SPATA2: variants seen among roughly 807,000 people sequenced by gnomAD.
SPATA2 encodes spermatogenesis associated 2, also known as spermatogenesis-associated protein 2.
SPATA2 carries 8 observed loss-of-function variants against 35.4 expected under a neutral mutation model. The ratio of observed to expected loss-of-function variants is 0.23; its 90% CI spans 0.13 to 0.41. The LOEUF (loss-of-function observed/expected upper bound fraction) is 0.41, where lower values mean the gene tolerates loss of function less well. Among genes scored for constraint, SPATA2 ranks in the 10% least tolerant of loss-of-function variants. The pLI is 1.00. For missense variants in SPATA2, 650 were observed against 698.7 expected (o/e 0.93, Z 0.79); for synonymous variants, 293 against 300.9 (o/e 0.97, Z 0.27).
In SPATA2 at chr20:49,906,187, T is replaced by C; in HGVS notation, c.995A>G (p.Gln332Arg). 1.9e-6 allele frequency: 3 copies of C among 1,584,750 alleles called. No individual in the cohort carries two copies. The highest frequency in any genetic ancestry group is 1.2e-5 in the South Asian group (1 of 86,886). ...ALLRGTYFST[Q>R]DDVDLYTDSE... is the part of the protein sequence containing the mutation. ...GTCTGTGTACAGATCCACGTCATCC[T>C]GAGTGGAGAAGTAGGTACCGCGCAG... is the stretch of plus-strand genomic sequence containing the variant. The change falls in exon 3 of 3, where the codon CAG becomes CGG. Residue 332 changes from glutamine to arginine, a missense_variant. Physicochemically the swap from Gln to Arg is conservative, Grantham distance 43 (BLOSUM62 1). Coordinates refer to ENST00000289431, the MANE Select transcript of SPATA2 (RefSeq NM_006038.4). This position sits in a 1 kb window ranked among gnomAD's most constrained non-coding sequence, Gnocchi z 8.2.
rs778563492 is a variant in SPATA2, at chr20:49,906,291, C to A, written c.891G>T (p.Ser297=). 7 of 1,579,538 alleles carry A rather than the reference C, an allele frequency of 4.4e-6. No homozygotes were observed. Among genetic ancestry groups the A allele is most frequent in the Non-Finnish European group, 6.0e-6 (7 of 1,161,630 alleles). The change falls in exon 3 of 3, where the codon TCG becomes TCT. Residue 297 remains serine (S), a synonymous_variant. Coordinates refer to ENST00000289431, the MANE Select transcript of SPATA2 (RefSeq NM_006038.4). The surrounding 1 kb of genome is among the most constrained non-coding windows in gnomAD (Gnocchi z 8.2). ...GGGGGGAGCTGGCCATGGTCAGCAG[C>A]GAAGGGGATGGGCGGATGATCTCAT... The part of the protein sequence containing the change: ...LKDEIIRPSP[S]LLTMASSPHG...
chr20:49,914,981 G>A (rs766930316), intron 1 of SPATA2, among the ~76,000 whole-genome samples: 1 of 152,236 alleles, frequency 6.6e-6, no homozygotes, highest in African/African-American at 2.4e-5. Context: ...AGGCAACTGA[G>A]GCTCTTAAGA....
rs1283656058 is a variant in SPATA2 at position 49,906,811 on chromosome 20, G to A, written c.371C>T (p.Ser124Leu). 10 of 1,612,294 alleles carry A rather than the reference G, an allele frequency of 6.2e-6. No individual in the cohort carries two copies. The highest frequency in any genetic ancestry group is 1.7e-5 in the Admixed American group (1 of 59,946). Residue 124 changes from serine to leucine, a missense_variant, in exon 3 of 3, where the codon TCG becomes TTG. By Grantham distance (145) the Ser-to-Leu change is moderately radical. Transcript: ENST00000289431. This position sits in a 1 kb window ranked among gnomAD's most constrained non-coding sequence, Gnocchi z 8.2. ...YTGPFVYYVK[S>L]TLLEEDIRAI... ...TCGGATGTCCTCTTCCAGTAATGTC[G>A]ACTTGACATAATAAACAAAAGGGCC...
In SPATA2 at chr20:49,903,786, A is replaced by G. The variant is rs1223047082; in HGVS notation, c.*1833T>C. 1 of 151,930 alleles carries G rather than the reference A, an allele frequency of 6.6e-6. No homozygotes were observed. Among genetic ancestry groups the G allele is most frequent in the Non-Finnish European group, 1.5e-5 (1 of 67,990 alleles). 9.4% of individuals were successfully genotyped at this position (151,930 alleles called of 1,614,324 possible). ...TGGGCCAGGCATTGCCGATTCTGAA[A>G]TGTGAAAAGGAAGAACATCAAAGAT... On this transcript the variant is annotated 3_prime_UTR_variant, in exon 3 of 3. Transcript: ENST00000289431.
Position 49,903,934 on chromosome 20 carries a change from TATATATATATATATATA to T in SPATA2, c.*1668_*1684del, listed in dbSNP as rs2090124209. 1 of 58,560 alleles carries T rather than the reference TATATATATATATATATA, an allele frequency of 1.7e-5. No homozygotes were observed. The highest frequency in any genetic ancestry group is 4.8e-5 in the African/African-American group (1 of 20,884). 3.6% of individuals were successfully genotyped at this position (58,560 alleles called of 1,614,324 possible). A position where few individuals can be genotyped will look rare whatever the true frequency, so the allele number is the denominator to read the frequency against. On this transcript the variant is annotated 3_prime_UTR_variant, in exon 3 of 3. Coordinates refer to ENST00000289431, the MANE Select transcript of SPATA2 (RefSeq NM_006038.4). ...ATATATATATATATATATATATATA[TATATATATATATATATA>T]TTAAAAAGAGAGCCATAGAAGATTT...
chr20:49,909,069 C>T (rs1434708552), intron 1 of SPATA2, among the ~76,000 whole-genome samples: 1 of 152,202 alleles, frequency 6.6e-6, no homozygotes, highest in Non-Finnish European at 1.5e-5. Context: ...GTAGCCCAGG[C>T]TGGAGTGCAG....
In SPATA2 at chr20:49,906,832, G is replaced by T. The variant is rs745438803; in HGVS notation, c.350C>A (p.Pro117His). The change falls in exon 3 of 3, where the codon CCT (proline) becomes CAT (histidine). Residue 117 changes from proline (P) to histidine (H), a missense_variant. By Grantham distance (77) the Pro-to-His change is moderately conservative (BLOSUM62 -2). Transcript: ENST00000289431. This position sits in a 1 kb window ranked among gnomAD's most constrained non-coding sequence, Gnocchi z 8.2. ...EFRSIKTYTG[P>H]FVYYVKSTLL... The stretch of plus-strand genomic sequence containing the variant: ...TGTCGACTTGACATAATAAACAAAA[G>T]GGCCCGTGTAGGTCTAGAAGGGAGG... 48 of 1,609,466 alleles carry T rather than the reference G, an allele frequency of 3.0e-5. No individual in the cohort carries two copies. The highest frequency in any genetic ancestry group is 3.4e-5 in the Non-Finnish European group (40 of 1,176,656).
rs2146827011 is a variant in SPATA2, at chr20:49,905,596, G to T, written c.*23C>A. 6.2e-7 allele frequency: 1 copy of T among 1,610,570 alleles called. No homozygotes were observed. Among genetic ancestry groups the T allele is most frequent in the African/African-American group, 1.3e-5 (1 of 74,944 alleles). ...GAAAGGTCGGTTGATGTAGCCCTTG[G>T]AGCTGGAAGGGGCGAGGCCGGTCTA... On this transcript the variant is annotated 3_prime_UTR_variant, in exon 3 of 3. Coordinates refer to ENST00000289431, the MANE Select transcript of SPATA2 (RefSeq NM_006038.4).
chr20:49,910,068 T>C (rs558328397), intron 1 of SPATA2, among the ~76,000 whole-genome samples: 13 of 152,088 alleles, frequency 8.5e-5, no homozygotes, highest in South Asian at 8.3e-4. Context: ...CACTTGTTAG[T>C]AGAACAGGCA....
Position 49,906,454 on chromosome 20 carries a change from T to C in SPATA2, c.728A>G (p.Tyr243Cys), listed in dbSNP as rs1458329114. The C allele has an allele frequency of 6.2e-7, 1 of 1,611,732 alleles. No homozygotes were observed. The highest frequency in any genetic ancestry group is 1.1e-5 in the South Asian group (1 of 91,080). ...CGAGGGCTTGGTCACGCGGGGCTTGTAGTAGTCCTTGGCCGCCCGCTCGCT... is the reference window on the plus strand; with the variant it reads ...CGAGGGCTTGGTCACGCGGGGCTTGCAGTAGTCCTTGGCCGCCCGCTCGCT... The part of the protein sequence containing the change: ...SASERAAKDY[Y>C]KPRVTKPSRS... Residue 243 changes from tyrosine to cysteine, a missense_variant, in exon 3 of 3, where the codon TAC (tyrosine) becomes TGC (cysteine). Transcript: ENST00000289431. The surrounding 1 kb of genome is among the most constrained non-coding windows in gnomAD (Gnocchi z 8.2).
In SPATA2 at chr20:49,908,570, G is replaced by T; in HGVS notation, c.-80C>A. On this transcript the variant is annotated 5_prime_UTR_variant, in exon 2 of 3. Coordinates refer to ENST00000289431, the MANE Select transcript of SPATA2 (RefSeq NM_006038.4). ...ACATCACTAAAAGCATGGACATGTT[G>T]CCGCCTGGACCAGCGGAGTGCTCTG... 8.3e-7 allele frequency: 1 copy of T among 1,206,144 alleles called. No homozygotes were observed. The highest frequency in any genetic ancestry group is 1.2e-6 in the Non-Finnish European group (1 of 854,064). 74.7% of individuals were successfully genotyped at this position (1,206,144 alleles called of 1,614,324 possible). A position where few individuals can be genotyped will look rare whatever the true frequency, so the allele number is the denominator to read the frequency against.
At chr20:49,909,392 T>G (rs1237701523) in intron 1 of SPATA2, among the ~76,000 whole-genome samples, 2 of 151,944 alleles carry the variant, frequency 1.3e-5, no homozygotes, top group East Asian at 3.9e-4. Flanking sequence ...ATGTGCAAAC[T>G]GAGACACAGA....
At position 49,906,104 on chromosome 20, in the gene SPATA2, G is replaced by A. The variant is rs763342098; in HGVS notation, c.1078C>T (p.Leu360Phe). 1.9e-6 allele frequency: 3 copies of A among 1,611,908 alleles called. No individual in the cohort carries two copies. Among genetic ancestry groups the A allele is most frequent in the Admixed American group, 3.3e-5 (2 of 59,984 alleles). ...QDALRPDVWL[L>F]RNDAHSLYHK... ...TAGAGGGAGTGGGCATCGTTTCTGA[G>A]CAGCCACACATCCGGCCGCAGAGCA... Residue 360 changes from leucine (L) to phenylalanine (F), a missense_variant, in exon 3 of 3, where the codon CTC (leucine) becomes TTC (phenylalanine). Coordinates refer to ENST00000289431, the MANE Select transcript of SPATA2 (RefSeq NM_006038.4). The surrounding 1 kb of genome is among the most constrained non-coding windows in gnomAD (Gnocchi z 8.2).
In SPATA2 at chr20:49,903,904, T is replaced by TAG. The variant is rs879570309; in HGVS notation, c.*1714_*1715insCT. 0.05 allele frequency: 563 copies of TAG among 11,246 alleles called. 2 individuals are homozygous for TAG. Among genetic ancestry groups the TAG allele is most frequent in the Non-Finnish European group, 0.078 (440 of 5,658 alleles). The allele number at this position is 11,246 out of a possible 1,614,324, so 0.7% of individuals were successfully genotyped here. On this transcript the variant is annotated 3_prime_UTR_variant, in exon 3 of 3. Coordinates refer to ENST00000289431, the MANE Select transcript of SPATA2 (RefSeq NM_006038.4). The stretch of plus-strand genomic sequence containing the variant: ...ATCTACATGTGATCTACCAGATAGA[T>TAG]ATATATATATATATATATATATATA...
At chr20:49,911,082 T>C (rs2146834914) in intron 1 of SPATA2, among the ~76,000 whole-genome samples, 1 of 151,904 alleles carries the variant, frequency 6.6e-6, no homozygotes, top group South Asian at 2.1e-4. Context: ...TGGGATAAAA[T>C]TCTGCTTCAG....
Position 49,904,845 on chromosome 20 carries a change from T to C in SPATA2, c.*774A>G, listed in dbSNP as rs2146825971. 1 of 152,738 alleles carries C rather than the reference T, an allele frequency of 6.5e-6. No individual in the cohort carries two copies. 9.5% of individuals were successfully genotyped at this position (152,738 alleles called of 1,614,324 possible). A position where few individuals can be genotyped will look rare whatever the true frequency, so the allele number is the denominator to read the frequency against. On this transcript the variant is annotated 3_prime_UTR_variant, in exon 3 of 3. Coordinates refer to ENST00000289431, the MANE Select transcript of SPATA2 (RefSeq NM_006038.4). ...AAACACACAGCAAGTTGAATATTTA[T>C]TTAAAAATAAATCTCAAAAATATCT...
intron 2 of SPATA2, among the ~76,000 whole-genome samples, chr20:49,907,348 C>T (rs1306852304): frequency 1.3e-5 from 2 of 152,142 alleles, no homozygotes; most frequent in South Asian, 2.1e-4. Context: ...TGTGAGCCAC[C>T]GCGCCTGGCA....
chr20:49,912,965 T>C (rs1046497905), intron 1 of SPATA2, among the ~76,000 whole-genome samples: 7 of 139,594 alleles, frequency 5.0e-5, no homozygotes, highest in African/African-American at 1.6e-4. Flanking sequence ...AAAAATTAGG[T>C]GGGTGTGGTG....
In SPATA2 at chr20:49,904,258, AG is replaced by A. The variant is rs763035388; in HGVS notation, c.*1360del. ...GTTGGTAATTCACATGAGAAGCTGA[AG>A]GGGCCTTCAGGCTTGGAAGCGCTTA... On this transcript the variant is annotated 3_prime_UTR_variant, in exon 3 of 3. Transcript: ENST00000289431. 6.6e-6 allele frequency: 1 copy of A among 152,476 alleles called. No homozygotes were observed. The highest frequency in any genetic ancestry group is 1.9e-4 in the East Asian group (1 of 5,198). 9.4% of individuals were successfully genotyped at this position (152,476 alleles called of 1,614,324 possible).
Sources: gnomAD v4.1 joint callset for allele counts (sites outside exome capture counted in the v4.1 genomes callset) on GRCh38, gnomAD v4.1.1 for gene constraint, Gnocchi (gnomAD v3.1) non-coding constraint, MANE v1.5 for transcripts, NCBI Gene and HGNC (gene_info 2026-07-23, HGNC 2026-07-21) for gene names.